Variants in SHISA6 observed in about 807,000 individuals in gnomAD.
SHISA6 encodes the protein protein shisa-6.
A neutral mutation model predicts 47.9 loss-of-function variants in SHISA6; 22 were observed. That is an observed-to-expected ratio of 0.46 (90% CI 0.33 to 0.66). The LOEUF (loss-of-function observed/expected upper bound fraction) is 0.66, where lower values mean the gene tolerates loss of function less well. Among genes scored for constraint, SHISA6 ranks in the 30% least tolerant of loss-of-function variants. SHISA6 has a pLI of 0.02. For synonymous variants in SHISA6, 388 were observed against 337.8 expected, an observed-to-expected ratio of 1.15 and a Z score of -1.63; for missense variants, 680 against 764.6, an observed-to-expected ratio of 0.89 and a Z score of 1.30.
chr17:11,423,179 C>T (rs975496425), intron 3 of SHISA6, among the ~76,000 whole-genome samples: 5 of 149,656 alleles, frequency 3.3e-5, no homozygotes, highest in African/African-American at 1.2e-4. Flanking sequence ...AAAACAAGAA[C>T]CCTAAAAGGA....
At chr17:11,250,092 T>C (rs1316100022) in intron 1 of SHISA6, among the ~76,000 whole-genome samples, 1 of 152,246 alleles carries the variant, frequency 6.6e-6, no homozygotes, top group Non-Finnish European at 1.5e-5. Context: ...GCAGCAAGCA[T>C]TTCACATGGA....
chr17:11,302,408 T>G (rs1348566446), intron 2 of SHISA6, among the ~76,000 whole-genome samples: 1 of 152,216 alleles, frequency 6.6e-6, no homozygotes, highest in Non-Finnish European at 1.5e-5. Context: ...AGCCAGAAAG[T>G]GGCTGACCTG....
chr17:11,335,068 C>T (rs750123548), intron 2 of SHISA6, among the ~76,000 whole-genome samples: 3 of 152,202 alleles, frequency 2.0e-5, no homozygotes, highest in Admixed American at 6.5e-5. Context: ...TCGTAGGACA[C>T]GTGGAAGAAT....
In SHISA6 at chr17:11,528,342, A is replaced by G. The variant is rs145766248; in HGVS notation, c.896-23554A>G. Among the ~76,000 whole-genome samples the G allele has an allele frequency of 7.9e-3, 1,201 of 152,368 alleles. 17 individuals are homozygous for G. Among genetic ancestry groups the G allele is most frequent in the African/African-American group, 0.028 (1,158 of 41,590 alleles). On this transcript the variant is annotated intron_variant, in intron 3 of 5. Coordinates refer to ENST00000441885, the MANE Select transcript of SHISA6 (RefSeq NM_207386.4). ...ATGGGAAAATTTTAATTATCCCCAA[A>G]TTCATCAGCAAATGTAATTCCAAAC...
chr17:11,257,290 G>A (rs775588614), intron 1 of SHISA6, among the ~76,000 whole-genome samples: 5 of 152,186 alleles, frequency 3.3e-5, no homozygotes, highest in Non-Finnish European at 5.9e-5. Context: ...GACAATGGAA[G>A]CACTCCGACT....
chr17:11,460,495 G>T (rs1212439341), intron 3 of SHISA6, among the ~76,000 whole-genome samples: 4 of 152,152 alleles, frequency 2.6e-5, no homozygotes, highest in African/African-American at 9.7e-5. Flanking sequence ...GGGTGCAAGC[G>T]ATTCTCCTGC....
intron 2 of SHISA6, among the ~76,000 whole-genome samples, chr17:11,359,152 A>G (rs1597474923): frequency 6.6e-6 from 1 of 152,262 alleles, no homozygotes; most frequent in East Asian, 1.9e-4. Context: ...TTTTTGTGAA[A>G]TCTGACCTAT....
intron 3 of SHISA6, among the ~76,000 whole-genome samples, chr17:11,471,123 C>G (rs976705447): frequency 4.6e-5 from 7 of 150,566 alleles, no homozygotes; most frequent in African/African-American, 1.7e-4. Context: ...GCAGGAGAAT[C>G]GCTTGAACCC....
chr17:11,425,859 C>T (rs1358998918), intron 3 of SHISA6, among the ~76,000 whole-genome samples: 1 of 152,170 alleles, frequency 6.6e-6, no homozygotes, highest in African/African-American at 2.4e-5. Context: ...GCAAAAATCT[C>T]TTCCCCTGCA....
At chr17:11,547,736 A>G (rs927911084) in intron 3 of SHISA6, among the ~76,000 whole-genome samples, 14 of 152,216 alleles carry the variant, frequency 9.2e-5, no homozygotes, top group African/African-American at 3.4e-4. Flanking sequence ...TTAAAAAATT[A>G]TAGAACTGAT....
chr17:11,521,222 T>C (rs1449471733), intron 3 of SHISA6, among the ~76,000 whole-genome samples: 1 of 152,252 alleles, frequency 6.6e-6, no homozygotes, highest in Non-Finnish European at 1.5e-5. Flanking sequence ...GATTATATTG[T>C]TCTTTAAAGC....
intron 3 of SHISA6, among the ~76,000 whole-genome samples, chr17:11,535,057 G>A (rs1280945390): frequency 6.6e-6 from 1 of 152,084 alleles, no homozygotes; most frequent in Non-Finnish European, 1.5e-5. Context: ...GAACCCAGGA[G>A]GCAGAGGTTG....
intron 2 of SHISA6, among the ~76,000 whole-genome samples, chr17:11,313,102 C>A (rs1910391715): frequency 6.6e-6 from 1 of 152,198 alleles, no homozygotes; most frequent in Admixed American, 6.5e-5. Context: ...CAGTTCAAAT[C>A]AATTCCATCT....
intron 2 of SHISA6, among the ~76,000 whole-genome samples, chr17:11,327,024 G>A (rs1285322427): frequency 6.6e-6 from 1 of 152,202 alleles, no homozygotes; most frequent in Non-Finnish European, 1.5e-5. Flanking sequence ...AACCCTCTGG[G>A]TGGAGTGGGA....
At chr17:11,379,340 T>C (rs1358314828) in intron 2 of SHISA6, 74 bp from the exon 3 acceptor site, 2 of 1,080,354 alleles carry the variant, frequency 1.9e-6, no homozygotes, top group Non-Finnish European at 1.3e-6. Flanking sequence ...CACTGTTGGG[T>C]GAGATGCAGC....
intron 2 of SHISA6, among the ~76,000 whole-genome samples, chr17:11,291,190 A>G (rs1909527341): frequency 6.6e-6 from 1 of 152,062 alleles, no homozygotes; most frequent in Non-Finnish European, 1.5e-5. Context: ...GAATAAAAAC[A>G]CAGGACAAGG....
At chr17:11,411,861 C>T (rs969978189) in intron 3 of SHISA6, among the ~76,000 whole-genome samples, 11 of 152,240 alleles carry the variant, frequency 7.2e-5, no homozygotes, top group Middle Eastern at 3.4e-3. Context: ...TGACCACGCA[C>T]GTGCATTCAG....
chr17:11,456,110 T>A (rs1915527218), intron 3 of SHISA6, among the ~76,000 whole-genome samples: 1 of 152,076 alleles, frequency 6.6e-6, no homozygotes, highest in African/African-American at 2.4e-5. Context: ...ATGAGATGAG[T>A]CATGAAAGCA....
At chr17:11,251,123 T>A (rs1187106531) in intron 1 of SHISA6, among the ~76,000 whole-genome samples, 3 of 152,116 alleles carry the variant, frequency 2.0e-5, no homozygotes, top group Non-Finnish European at 4.4e-5. Flanking sequence ...GTAGAACAGT[T>A]GGGTCTCACC....
Sources: allele counts gnomAD v4.1 joint callset (sites outside exome capture counted in the v4.1 genomes callset), GRCh38; gene constraint gnomAD v4.1.1; transcripts MANE v1.5; gene names NCBI Gene and HGNC (gene_info 2026-07-23, HGNC 2026-07-21).